Variants in ST14 observed in about 807,000 individuals in gnomAD.
ST14 encodes suppressor of tumorigenicity 14 protein.
A neutral mutation model predicts 96.5 loss-of-function variants in ST14; 40 were observed. The observed-to-expected ratio is 0.41, with a 90% confidence interval of 0.32 to 0.54. The LOEUF is 0.54. ST14 is among the 20% of genes least tolerant of loss of function. The probability of loss-of-function intolerance (pLI) is 0.17; values close to 1 mark genes in which losing one functional copy is unlikely to be tolerated. For missense variants in ST14, 1,066 were observed against 1,188.9 expected (o/e 0.90, Z 1.52); for synonymous variants, 506 against 492.1 (o/e 1.03, Z -0.37).
chr11:130,167,979 T>C (rs1440015022), intron 1 of ST14, among the ~76,000 whole-genome samples: 3 of 152,264 alleles, frequency 2.0e-5, no homozygotes, highest in Non-Finnish European at 4.4e-5. Flanking sequence ...ACTCCCAAAG[T>C]GCTGGGATTG....
chr11:130,208,342 G>T, intron 16 of ST14, 68 bp from the exon 17 acceptor site: 1 of 1,609,032 alleles, frequency 6.2e-7, no homozygotes, highest in Non-Finnish European at 8.5e-7. Flanking sequence ...CTGGGAACGC[G>T]CGGGGCCGCG....
chr11:130,159,962 C>G lies in ST14; in HGVS notation c.-18C>G. ...GCAGGGACGACGCCTGTGAGACCCGCGAGCGGCCTCGGGGACCATGGGGAG... is the reference window on the plus strand; with the variant it reads ...GCAGGGACGACGCCTGTGAGACCCGGGAGCGGCCTCGGGGACCATGGGGAG... On this transcript the variant is annotated 5_prime_UTR_variant, in exon 1 of 19. Coordinates refer to ENST00000278742, the MANE Select transcript of ST14 (RefSeq NM_021978.4). The G allele has an allele frequency of 7.6e-7, 1 of 1,318,700 alleles. No homozygotes were observed. The highest frequency in any genetic ancestry group is 2.1e-5 in the South Asian group (1 of 47,762). 81.7% of individuals were successfully genotyped at this position (1,318,700 alleles called of 1,614,324 possible). A position where few individuals can be genotyped will look rare whatever the true frequency, so the allele number is the denominator to read the frequency against.
At chr11:130,198,904 T>C in intron 14 of ST14, 43 bp from the exon 15 acceptor site, 1 of 1,612,918 alleles carries the variant, frequency 6.2e-7, no homozygotes, top group Non-Finnish European at 8.5e-7. Context: ...GGTCGGATGC[T>C]GCAGAGGAAT....
At chr11:130,198,279 A>G in intron 12 of ST14, 29 bp from the exon 13 acceptor site, 11 of 1,603,010 alleles carry the variant, frequency 6.9e-6, no homozygotes, top group Non-Finnish European at 9.4e-6. Flanking sequence ...TGAGGGCCTC[A>G]CGGCCGACCT....
chr11:130,166,931 C>G (rs1334793579), intron 1 of ST14, among the ~76,000 whole-genome samples: 1 of 152,126 alleles, frequency 6.6e-6, no homozygotes, highest in Admixed American at 6.5e-5. Flanking sequence ...AAAAATGAGG[C>G]CGGGTGCGGT....
At chr11:130,160,127 TG>T in intron 1 of ST14, 67 bp downstream of exon 1, 2 of 1,157,842 alleles carry the variant, frequency 1.7e-6, no homozygotes, top group Non-Finnish European at 1.1e-6. Context: ...AGCGCGGCGC[TG>T]GGCTCGGCCG....
At chr11:130,185,214 C>G (rs1047117662) in intron 1 of ST14, among the ~76,000 whole-genome samples, 1 of 151,888 alleles carries the variant, frequency 6.6e-6, no homozygotes. Context: ...GAGGAAAATT[C>G]AAAGAAACAG....
rs583863 is a variant in ST14 at position 130,197,869 on chromosome 11, G to T, written c.1383G>T (p.Thr461=). Residue 461 remains threonine, a synonymous_variant, in exon 12 of 19, where the codon ACG becomes ACT. Transcript: ENST00000278742. ...DPCPGQFTCR[T]GRCIRKELRC... ...GCCCGGGGCAGTTCACGTGCCGCAC[G>T]GGGCGGTGTATCCGGAAGGAGCTGC... The T allele has an allele frequency of 0.012, 18,677 of 1,591,146 alleles. 199 individuals are homozygous for T. The highest frequency in any genetic ancestry group is 0.013 in the Non-Finnish European group (15,111 of 1,172,276).
At chr11:130,192,186 C>G (rs1953310698) in intron 7 of ST14, among the ~76,000 whole-genome samples, 1 of 152,186 alleles carries the variant, frequency 6.6e-6, no homozygotes, top group South Asian at 2.1e-4. Context: ...GCGGACGTTT[C>G]CTGATTAATA....
rs117109847 is a variant in ST14, at chr11:130,198,628, C to T, written c.1684+7C>T. 7.9e-4 allele frequency: 1,271 copies of T among 1,609,842 alleles called. 12 individuals carry two copies. In the East Asian group the frequency reaches 0.023, roughly 29 times the overall value. ...GAGGCCTCCTGCCCCAAGGGTGAGG[C>T]CCGCCCCACCCATCTTCCTGTTGGG... On this transcript the variant is annotated splice_region_variant and intron_variant, in intron 14 of 18. Transcript: ENST00000278742.
At position 130,194,267 on chromosome 11, in the gene ST14, T is replaced by C. The variant is rs776489547; in HGVS notation, c.994T>C (p.Phe332Leu). The C allele has an allele frequency of 6.2e-7, 1 of 1,614,214 alleles. No homozygotes were observed. Among genetic ancestry groups the C allele is most frequent in the Admixed American group, 1.7e-5 (1 of 60,034 alleles). ...RRHPGFEATFFQLPRMSSCGG... is the reference protein window; with the variant it reads ...RRHPGFEATFLQLPRMSSCGG... The stretch of plus-strand genomic sequence containing the variant: ...GCATCCCGGCTTTGAGGCCACCTTC[T>C]TCCAGCTGCCTAGGATGAGCAGTAA... Residue 332 changes from phenylalanine (F) to leucine (L), a missense_variant, in exon 8 of 19, where the codon TTC (phenylalanine) becomes CTC (leucine). By Grantham distance (22) the Phe-to-Leu change is conservative (BLOSUM62 0). Transcript: ENST00000278742.
At chr11:130,190,290 G>A in intron 6 of ST14, 142 bp downstream of exon 6, 2 of 1,476,626 alleles carry the variant, frequency 1.4e-6, no homozygotes, top group African/African-American at 1.4e-5. Flanking sequence ...TCCTCTTCCA[G>A]GCCCTTCTGA....
chr11:130,176,337 T>G lies in ST14; in HGVS notation c.82-11777T>G, dbSNP rs547018568. On this transcript the variant is annotated intron_variant, in intron 1 of 18. Coordinates refer to ENST00000278742, the MANE Select transcript of ST14 (RefSeq NM_021978.4). ...TTCCCTTGGTCCCAGGGGTTCCTCCTTAAAAGTTACCCCTGACAGGGATTT... is the reference window on the plus strand; with the variant it reads ...TTCCCTTGGTCCCAGGGGTTCCTCCGTAAAAGTTACCCCTGACAGGGATTT... Among the ~76,000 whole-genome samples, 16 of 152,230 alleles carry G rather than the reference T, an allele frequency of 1.1e-4. No homozygotes were observed. The South Asian group carries it at 3.1e-3, about 30-fold the overall frequency.
chr11:130,203,745 C>T (rs1264472538), intron 16 of ST14, among the ~76,000 whole-genome samples: 10 of 152,138 alleles, frequency 6.6e-5, no homozygotes, highest in Admixed American at 2.0e-4. Context: ...CTCCGCCTCC[C>T]GGGTTCAAGC....
intron 1 of ST14, among the ~76,000 whole-genome samples, chr11:130,180,895 G>A (rs1267681555): frequency 6.6e-6 from 1 of 152,174 alleles, no homozygotes; most frequent in Non-Finnish European, 1.5e-5. Context: ...GCTCTAGTGT[G>A]CCTCAGACAA....
In ST14 at chr11:130,200,066, C is replaced by T. The variant is rs780085788; in HGVS notation, c.1923C>T (p.Cys641=). ...ATGCTCTGGGCCAGGGCCACATCTG[C>T]GGTGCTTCCCTCATCTCTCCCAACT... is the stretch of plus-strand genomic sequence containing the variant. The part of the protein sequence containing the change: ...SLHALGQGHI[C]GASLISPNWL... The change falls in exon 16 of 19, where the codon TGC becomes TGT. Residue 641 remains cysteine (C), a synonymous_variant. Coordinates refer to ENST00000278742, the MANE Select transcript of ST14 (RefSeq NM_021978.4). 1.7e-5 allele frequency: 27 copies of T among 1,614,106 alleles called. No individual in the cohort carries two copies. In the Admixed American group the frequency reaches 1.8e-4, roughly 11 times the overall value.
At chr11:130,194,001 G>T in intron 7 of ST14, 148 bp from the exon 8 acceptor site, 1 of 947,330 alleles carries the variant, frequency 1.1e-6, no homozygotes, top group Non-Finnish European at 1.7e-6. Flanking sequence ...TTGAATGAAG[G>T]TCTTTTTGAC....
intron 1 of ST14, among the ~76,000 whole-genome samples, chr11:130,185,038 C>T (rs571959662): frequency 4.6e-5 from 7 of 152,282 alleles, no homozygotes; most frequent in East Asian, 1.9e-4. Flanking sequence ...TCCAAACAGC[C>T]GCCAGGAGCT....
Position 130,209,587 on chromosome 11 carries a change from C to T in ST14, c.2406+9C>T, listed in dbSNP as rs1168152377. On this transcript the variant is annotated intron_variant, in intron 18 of 18. Coordinates refer to ENST00000278742, the MANE Select transcript of ST14 (RefSeq NM_021978.4). ...GCGTGGACTCCTGCCAGGTGGCCCC[C>T]GGGGCAGGAGGGCGGCAGGTGGGCC... is the stretch of plus-strand genomic sequence containing the variant. The T allele has an allele frequency of 2.5e-6, 4 of 1,581,004 alleles. No homozygotes were observed. The African/African-American group carries it at 4.0e-5, about 16-fold the overall frequency.
Sources: allele counts gnomAD v4.1 joint callset (sites outside exome capture counted in the v4.1 genomes callset), GRCh38; gene constraint gnomAD v4.1.1; transcripts MANE v1.5; gene names NCBI Gene and HGNC (gene_info 2026-07-23, HGNC 2026-07-21).